The following SGCZ variants were observed in gnomAD, a reference collection of about 807,000 sequenced individuals.
SGCZ encodes the protein zeta-sarcoglycan.
In SGCZ, 40 loss-of-function variants were observed where a neutral mutation model predicts 41.3. The observed-to-expected ratio is 0.97, with a 90% CI of 0.75 to 1.26. The LOEUF is 1.26. SGCZ is among the 50% of genes most tolerant of loss of function. The pLI, the probability that SGCZ is intolerant of heterozygous loss-of-function variation, is 0.00. For missense variants in SGCZ, 552 were observed against 369.8 expected (o/e 1.49, Z -4.04); for synonymous variants, 206 against 137.5 (o/e 1.50, Z -3.49).
intron 1 of SGCZ, among the ~76,000 whole-genome samples, chr8:14,643,951 G>T (rs1807116374): frequency 6.7e-6 from 1 of 149,268 alleles, no homozygotes; most frequent in African/African-American, 2.5e-5. Context: ...CAGTGTGAAT[G>T]AAGAAAGACC....
intron 1 of SGCZ, among the ~76,000 whole-genome samples, chr8:14,641,121 G>C (rs1202574938): frequency 1.3e-5 from 2 of 151,562 alleles, no homozygotes; most frequent in East Asian, 3.9e-4. Context: ...AGGGGGTAGG[G>C]ATACAAAGAT....
chr8:15,113,142 G>A (rs568609500), intron 1 of SGCZ, among the ~76,000 whole-genome samples: 109 of 150,944 alleles, frequency 7.2e-4, no homozygotes, highest in African/African-American at 2.4e-3. Flanking sequence ...CCAGGAGGTC[G>A]AGGATGCAGT....
chr8:14,516,132 G>T (rs1802613572), intron 2 of SGCZ, among the ~76,000 whole-genome samples: 4 of 151,362 alleles, frequency 2.6e-5, no homozygotes, highest in South Asian at 2.1e-4. Context: ...TATGTCTGTG[G>T]TTTTTTTCTT....
At chr8:14,361,775 A>G (rs955661041) in intron 2 of SGCZ, among the ~76,000 whole-genome samples, 1 of 151,954 alleles carries the variant, frequency 6.6e-6, no homozygotes, top group African/African-American at 2.4e-5. Flanking sequence ...GGTTTTTGGA[A>G]TTTTCAGCCT....
intron 2 of SGCZ, among the ~76,000 whole-genome samples, chr8:14,425,219 A>G (rs1032860784): frequency 1.3e-5 from 2 of 152,192 alleles, no homozygotes; most frequent in East Asian, 3.9e-4. Flanking sequence ...GTTACAGTTC[A>G]GGGTTTCTCA....
At chr8:14,287,239 T>C (rs562121808) in intron 3 of SGCZ, among the ~76,000 whole-genome samples, 35 of 151,522 alleles carry the variant, frequency 2.3e-4, no homozygotes, top group African/African-American at 8.4e-4. Context: ...AATGTGTATA[T>C]AATTACATAA....
At chr8:14,686,771 T>C (rs79532953) in intron 1 of SGCZ, among the ~76,000 whole-genome samples, 1 of 152,088 alleles carries the variant, frequency 6.6e-6, no homozygotes, top group Non-Finnish European at 1.5e-5. Context: ...ATGATAAATA[T>C]GTAATGATTG....
At chr8:14,773,462 G>A (rs963433902) in intron 1 of SGCZ, among the ~76,000 whole-genome samples, 13 of 152,194 alleles carry the variant, frequency 8.5e-5, no homozygotes, top group African/African-American at 2.9e-4. Flanking sequence ...ATACCATTAC[G>A]TATCCAGATG....
chr8:14,226,401 C>G (rs1308313549), intron 4 of SGCZ, among the ~76,000 whole-genome samples: 1 of 152,046 alleles, frequency 6.6e-6, no homozygotes, highest in Non-Finnish European at 1.5e-5. Flanking sequence ...AAACCCTCCC[C>G]CATACCATCC....
chr8:14,750,928 T>C (rs1799478682), intron 1 of SGCZ, among the ~76,000 whole-genome samples: 1 of 152,180 alleles, frequency 6.6e-6, no homozygotes, highest in Non-Finnish European at 1.5e-5. Context: ...AAAACGGTAG[T>C]CAGAAAGCAA....
intron 3 of SGCZ, 131 bp downstream of exon 3, chr8:14,323,972 T>C (rs1462949839): frequency 5.2e-6 from 3 of 579,572 alleles, no homozygotes; most frequent in African/African-American, 3.8e-5. Context: ...TTTTGATTTC[T>C]AAACATAGGT....
intron 1 of SGCZ, among the ~76,000 whole-genome samples, chr8:14,715,347 A>G (rs904345009): frequency 3.9e-5 from 6 of 152,198 alleles, no homozygotes; most frequent in Non-Finnish European, 8.8e-5. Flanking sequence ...AGATAAGCTG[A>G]TGAAAGGGTA....
chr8:14,626,302 C>A (rs1054497193), intron 1 of SGCZ, among the ~76,000 whole-genome samples: 1 of 152,078 alleles, frequency 6.6e-6, no homozygotes, highest in African/African-American at 2.4e-5. Context: ...CTGACGCTAT[C>A]CCTCCCCCAA....
intron 4 of SGCZ, among the ~76,000 whole-genome samples, chr8:14,178,467 T>C (rs142111616): frequency 1.3e-5 from 2 of 152,356 alleles, no homozygotes; most frequent in Non-Finnish European, 2.9e-5. Flanking sequence ...AGAAATAATT[T>C]AGATCCAGCT....
At chr8:14,443,928 T>C (rs1044941792) in intron 2 of SGCZ, among the ~76,000 whole-genome samples, 2 of 152,156 alleles carry the variant, frequency 1.3e-5, no homozygotes, top group African/African-American at 4.8e-5. Flanking sequence ...AAAGGGCTAA[T>C]ATCCAGAATC....
intron 2 of SGCZ, among the ~76,000 whole-genome samples, chr8:14,551,489 TTATATATATTA>T (rs1803824101): frequency 1.6e-4 from 1 of 6,258 alleles, no homozygotes; most frequent in Non-Finnish European, 3.3e-4. Context: ...ATTATATATA[TTATATATATTA>T]TATATATTAT....
intron 1 of SGCZ, among the ~76,000 whole-genome samples, chr8:14,920,559 T>A (rs1338231089): frequency 1.3e-5 from 2 of 151,902 alleles, no homozygotes; most frequent in Non-Finnish European, 2.9e-5. Context: ...GGAGGGTAAG[T>A]CAAAGATGAA....
Position 15,161,957 on chromosome 8 carries a change from G to A in SGCZ, c.39+75628C>T, listed in dbSNP as rs902216047. On this transcript the variant is annotated intron_variant, in intron 1 of 7. Transcript: ENST00000382080. ...GGGACACGAGAATCACTTGAGCCCA[G>A]GAAGTGGAGGTTGCAGTGACCCAAG... Among the ~76,000 whole-genome samples the A allele has an allele frequency of 4.6e-5, 7 of 152,272 alleles. No individual in the cohort carries two copies. In the South Asian group the frequency reaches 1.5e-3, roughly 32 times the overall value.
chr8:15,166,683 A>G (rs1000699386), intron 1 of SGCZ, among the ~76,000 whole-genome samples: 3 of 152,248 alleles, frequency 2.0e-5, no homozygotes, highest in Non-Finnish European at 4.4e-5. Context: ...AAGATATTGT[A>G]AACAACAGAG....
Sources: gnomAD v4.1 joint callset for allele counts (sites outside exome capture counted in the v4.1 genomes callset) on GRCh38, gnomAD v4.1.1 for gene constraint, MANE v1.5 for transcripts, NCBI Gene and HGNC (gene_info 2026-07-23, HGNC 2026-07-21) for gene names.